LARS1: variants seen among roughly 807,000 people sequenced by gnomAD.
LARS1 encodes the protein leucine--tRNA ligase, cytoplasmic.
Under a neutral mutation model 162.8 loss-of-function variants are expected in LARS1, and 100 were observed. The observed-to-expected ratio is 0.61, with a 90% confidence interval of 0.52 to 0.73. The LOEUF is 0.73. Among genes scored for constraint, LARS1 ranks in the 30% least tolerant of loss-of-function variants. The probability of loss-of-function intolerance (pLI) is 0.00; values close to 1 mark genes in which losing one functional copy is unlikely to be tolerated. For missense variants in LARS1, 1,258 were observed against 1,408.9 expected (o/e 0.89, Z 1.71); for synonymous variants, 457 against 462.8 (o/e 0.99, Z 0.16).
At chr5:146,166,017 C>T (rs1211009859) in intron 5 of LARS1, among the ~76,000 whole-genome samples, 2 of 152,182 alleles carry the variant, frequency 1.3e-5, no homozygotes, top group Non-Finnish European at 2.9e-5. Context: ...GAAATAAAAA[C>T]AGATGTGTAT....
At chr5:146,178,349 C>G (rs1046196101) in intron 1 of LARS1, among the ~76,000 whole-genome samples, 1 of 152,264 alleles carries the variant, frequency 6.6e-6, no homozygotes, top group Non-Finnish European at 1.5e-5. Flanking sequence ...CACGGTGGCT[C>G]ACGCCTGTAA....
chr5:146,153,908 T>C lies in LARS1; in HGVS notation c.1138A>G (p.Ile380Val), dbSNP rs1753408587. 2.5e-6 allele frequency: 4 copies of C among 1,611,448 alleles called. No homozygotes were observed. The highest frequency in any genetic ancestry group is 3.4e-6 in the Non-Finnish European group (4 of 1,178,236). The change falls in exon 11 of 32, where the codon ATT becomes GTT. Residue 380 changes from isoleucine (I) to valine (V), a missense_variant. By Grantham distance (29) the Ile-to-Val change is conservative. Coordinates refer to ENST00000394434, the MANE Select transcript of LARS1 (RefSeq NM_020117.11). ...AACTCTTTACCTTTATCCTCCTTAA[T>C]AGTTAGCATTGGGAGAACATAGATC... is the stretch of plus-strand genomic sequence containing the variant. Reference protein sequence around the residue: ...KVIYVLPMLTIKEDKGTGVVT... With the variant: ...KVIYVLPMLTVKEDKGTGVVT...
At chr5:146,136,293 G>C (rs981737759) in intron 21 of LARS1, among the ~76,000 whole-genome samples, 3 of 152,168 alleles carry the variant, frequency 2.0e-5, no homozygotes, top group African/African-American at 7.2e-5. Context: ...AATCAGGATA[G>C]TACAACAACT....
intron 15 of LARS1, among the ~76,000 whole-genome samples, chr5:146,148,644 T>C (rs923155524): frequency 1.3e-5 from 2 of 151,934 alleles, no homozygotes; most frequent in African/African-American, 4.8e-5. Context: ...TGTGGGACGT[T>C]AGAGAAAACA....
chr5:146,159,635 TACTTATTTA>T (rs747514273), intron 7 of LARS1, among the ~76,000 whole-genome samples, 165 bp from the exon 8 acceptor site: 10 of 152,180 alleles, frequency 6.6e-5, no homozygotes, highest in Non-Finnish European at 1.5e-4. Flanking sequence ...ACTGTCAACC[TACTTATTTA>T]ATGAAAGCTT....
At chr5:146,144,854 T>C in intron 15 of LARS1, 145 bp from the exon 16 acceptor site, 1 of 655,508 alleles carries the variant, frequency 1.5e-6, no homozygotes, top group South Asian at 1.9e-5. Context: ...CTTCCCAGGG[T>C]CAGTCATCTT....
intron 27 of LARS1, 141 bp from the exon 28 acceptor site, chr5:146,126,686 G>A (rs759507317): frequency 4.4e-5 from 25 of 572,548 alleles, no homozygotes; most frequent in Non-Finnish European, 6.3e-5. Flanking sequence ...CTAGCATCAC[G>A]GGGAAGTGAA....
Position 146,168,205 on chromosome 5 carries a change from C to G in LARS1, c.355G>C (p.Asp119His). The G allele has an allele frequency of 6.2e-7, 1 of 1,613,430 alleles. No homozygotes were observed. Among genetic ancestry groups the G allele is most frequent in the Non-Finnish European group, 8.5e-7 (1 of 1,179,532 alleles). The change falls in exon 5 of 32, where the codon GAT (aspartate) becomes CAT (histidine). Residue 119 changes from aspartate (D) to histidine (H), a missense_variant. Physicochemically the swap from Asp to His is moderately conservative, Grantham distance 81. Coordinates refer to ENST00000394434, the MANE Select transcript of LARS1 (RefSeq NM_020117.11). The part of the protein sequence containing the change: ...ELYGCPPDFP[D>H]EEEEEEETSV... ...GTTTCTTCCTCTTCCTCTTCTTCAT[C>G]TGGAAAATCAGGGGGGCAACCATAC...
chr5:146,123,924 G>T (rs945582249), intron 29 of LARS1, 58 bp downstream of exon 29: 7 of 824,612 alleles, frequency 8.5e-6, no homozygotes, highest in Non-Finnish European at 1.4e-5. Flanking sequence ...TAAAATAAAA[G>T]AGCTGGATTA....
intron 23 of LARS1, 87 bp from the exon 24 acceptor site, chr5:146,131,196 T>C: frequency 9.0e-6 from 5 of 555,762 alleles, no homozygotes; most frequent in Non-Finnish European, 1.2e-5. Context: ...AAATTTAAAA[T>C]ACTGCTTTTT....
In LARS1 at chr5:146,113,176, TG is replaced by T. The variant is rs1332842170; in HGVS notation, c.*929del. On this transcript the variant is annotated 3_prime_UTR_variant, in exon 32 of 32. Transcript: ENST00000394434. The stretch of plus-strand genomic sequence containing the variant: ...GTCTCCCAGGTTCAAGCGATTCTCC[TG>T]CCTCACACTCCCAAGCAGCTGGGAT... 6.6e-6 allele frequency: 1 copy of T among 152,310 alleles called. No individual in the cohort carries two copies. Among genetic ancestry groups the T allele is most frequent in the Non-Finnish European group, 1.5e-5 (1 of 68,128 alleles). The allele number at this position is 152,310 out of a possible 1,614,324, so 9.4% of individuals were successfully genotyped here. A position where few individuals can be genotyped will look rare whatever the true frequency, so the allele number is the denominator to read the frequency against.
chr5:146,114,386 G>A, intron 31 of LARS1, 75 bp from the exon 32 acceptor site: 4 of 1,144,964 alleles, frequency 3.5e-6, no homozygotes, highest in South Asian at 1.3e-5. Flanking sequence ...GAGAACTCAC[G>A]TTTTAAATAC....
At chr5:146,143,646 C>T in intron 18 of LARS1, 96 bp from the exon 19 acceptor site, 3 of 1,101,122 alleles carry the variant, frequency 2.7e-6, no homozygotes, top group Non-Finnish European at 3.9e-6. Context: ...TACAAAGCTA[C>T]TTATTTAGGA....
chr5:146,172,788 G>A lies in LARS1; in HGVS notation c.126-14C>T, dbSNP rs1408285489. 1 of 1,437,674 alleles carries A rather than the reference G, an allele frequency of 7.0e-7. No homozygotes were observed. Among genetic ancestry groups the A allele is most frequent in the Non-Finnish European group, 9.5e-7 (1 of 1,057,058 alleles). The allele number at this position is 1,437,674 out of a possible 1,614,324, so 89.1% of individuals were successfully genotyped here. On this transcript the variant is annotated splice_polypyrimidine_tract_variant and intron_variant, in intron 2 of 31. Coordinates refer to ENST00000394434, the MANE Select transcript of LARS1 (RefSeq NM_020117.11). ...TACTTGCCCTTGCTGCAAAACAACA[G>A]TATAAAAAAGAAAGTACAGAAGAAT...
At chr5:146,160,536 T>G (rs1753734030) in intron 6 of LARS1, 50 bp from the exon 7 acceptor site, 3 of 970,444 alleles carry the variant, frequency 3.1e-6, no homozygotes, top group Non-Finnish European at 4.5e-6. Context: ...ACACAAATTT[T>G]GTTTAAATAA....
chr5:146,136,073 C>T (rs1036561078), intron 21 of LARS1, among the ~76,000 whole-genome samples: 1 of 152,220 alleles, frequency 6.6e-6, no homozygotes, highest in Non-Finnish European at 1.5e-5. Context: ...ATTTTAGGAA[C>T]CCTCCTATCA....
rs1410716104 is a variant in LARS1 at position 146,151,850 on chromosome 5, A to T, written c.1425+12T>A. The T allele has an allele frequency of 6.2e-7, 1 of 1,605,678 alleles. No individual in the cohort carries two copies. The highest frequency in any genetic ancestry group is 8.5e-7 in the Non-Finnish European group (1 of 1,176,278). On this transcript the variant is annotated intron_variant, in intron 14 of 31. Coordinates refer to ENST00000394434, the MANE Select transcript of LARS1 (RefSeq NM_020117.11). ...GTAAAGCAAATAAAAACTAAAAAAA[A>T]TTATTACTTACACCCTCATAAAATC... is the stretch of plus-strand genomic sequence containing the variant.
chr5:146,174,313 C>T lies in LARS1; in HGVS notation c.126-1539G>A, dbSNP rs111363094. 4.7e-3 allele frequency among the ~76,000 whole-genome samples: 700 copies of T among 149,514 alleles called. 6 individuals carry two copies. The highest frequency in any genetic ancestry group is 0.024 in the Middle Eastern group (7 of 288). On this transcript the variant is annotated intron_variant, in intron 2 of 31. Transcript: ENST00000394434. ...CTACAAAATTAGCTGTGCGTGGTGGCGCATGCCTGTAATCCCAGCTACAGG... is the reference window on the plus strand; with the variant it reads ...CTACAAAATTAGCTGTGCGTGGTGGTGCATGCCTGTAATCCCAGCTACAGG...
At chr5:146,152,297 T>C (rs1753328959) in intron 13 of LARS1, among the ~76,000 whole-genome samples, 4 of 152,098 alleles carry the variant, frequency 2.6e-5, no homozygotes, top group Admixed American at 1.3e-4. Context: ...ACCTAAGTAA[T>C]TCATACTGAA....
Sources: gnomAD v4.1 joint callset for allele counts (sites outside exome capture counted in the v4.1 genomes callset) on GRCh38, gnomAD v4.1.1 for gene constraint, MANE v1.5 for transcripts, NCBI Gene and HGNC (gene_info 2026-07-23, HGNC 2026-07-21) for gene names.